Variants in CACNA2D1 observed in about 807,000 individuals in gnomAD.
The protein encoded by CACNA2D1 is calcium voltage-gated channel auxiliary subunit alpha2delta 1.
A neutral mutation model predicts 171.5 loss-of-function variants in CACNA2D1; 53 were observed. The observed-to-expected ratio is 0.31, with a 90% CI of 0.25 to 0.39. CACNA2D1 has a LOEUF of 0.39. Among genes scored for constraint, CACNA2D1 ranks in the 10% least tolerant of loss-of-function variants. The pLI is 1.00. For missense variants in CACNA2D1, 903 were observed against 1,299.8 expected (o/e 0.69, Z 4.69); for synonymous variants, 442 against 443.1 (o/e 1.00, Z 0.03).
At chr7:82,159,440 A>G (rs575065799) in intron 4 of CACNA2D1, among the ~76,000 whole-genome samples, 88 of 151,986 alleles carry the variant, frequency 5.8e-4, no homozygotes, top group Admixed American at 2.4e-3. Flanking sequence ...CCTATATTCC[A>G]TCAAATCACT....
chr7:82,397,543 T>C (rs1825872792), intron 1 of CACNA2D1, among the ~76,000 whole-genome samples: 2 of 152,194 alleles, frequency 1.3e-5, no homozygotes, highest in Admixed American at 6.5e-5. Context: ...CAGAAGTCTA[T>C]GCTGACAGAG....
chr7:82,064,165 G>T (rs200988330), intron 9 of CACNA2D1, 139 bp downstream of exon 9: 4 of 530,460 alleles, frequency 7.5e-6, no homozygotes. Context: ...TGGCTTCATT[G>T]CCTGAATATA....
In CACNA2D1 at chr7:82,107,578, A is replaced by C. The variant is rs1047833722; in HGVS notation, c.526+9466T>G. ...ATTTGGAAATTTCACTATTACAATGAAAATAAACTTTTTTTTTTTTTTTTT... is the reference window on the plus strand; with the variant it reads ...ATTTGGAAATTTCACTATTACAATGCAAATAAACTTTTTTTTTTTTTTTTT... On this transcript the variant is annotated intron_variant, in intron 6 of 38. Coordinates refer to ENST00000356860, the MANE Select transcript of CACNA2D1 (RefSeq NM_000722.4). Among the ~76,000 whole-genome samples, 4 of 140,448 alleles carry C rather than the reference A, an allele frequency of 2.8e-5. No homozygotes were observed. In the Admixed American group the frequency reaches 2.9e-4, roughly 10 times the overall value. The allele number at this position is 140,448 out of a possible 152,430, so 92.1% of individuals were successfully genotyped here. A position where few individuals can be genotyped will look rare whatever the true frequency, so the allele number is the denominator to read the frequency against.
chr7:82,263,954 A>T (rs1807476618), intron 3 of CACNA2D1, among the ~76,000 whole-genome samples: 1 of 152,034 alleles, frequency 6.6e-6, no homozygotes, highest in African/African-American at 2.4e-5. Context: ...TTTTCCTCTG[A>T]AAATTTGGAA....
chr7:82,423,124 T>G (rs1828868546), intron 1 of CACNA2D1, among the ~76,000 whole-genome samples: 2 of 152,136 alleles, frequency 1.3e-5, no homozygotes, highest in South Asian at 4.1e-4. Context: ...TTTTGTACTT[T>G]CGCAGACACT....
chr7:82,075,844 A>G (rs1267239092), intron 7 of CACNA2D1, among the ~76,000 whole-genome samples: 1 of 152,236 alleles, frequency 6.6e-6, no homozygotes, highest in Admixed American at 6.5e-5. Context: ...CTAAAAATGA[A>G]TGGCATAAGT....
At chr7:82,210,998 T>C (rs1035487504) in intron 3 of CACNA2D1, among the ~76,000 whole-genome samples, 6 of 152,104 alleles carry the variant, frequency 3.9e-5, no homozygotes, top group Non-Finnish European at 8.8e-5. Context: ...TTAAAAGGAT[T>C]TTCCCATATG....
chr7:82,066,384 A>C, intron 8 of CACNA2D1, 71 bp downstream of exon 8: 1 of 1,573,330 alleles, frequency 6.4e-7, no homozygotes, highest in Non-Finnish European at 8.6e-7. Flanking sequence ...ATAATAAAAA[A>C]TTCTGACTTT....
chr7:82,162,616 T>C (rs762233262), intron 4 of CACNA2D1, among the ~76,000 whole-genome samples: 39 of 150,528 alleles, frequency 2.6e-4, no homozygotes, highest in African/African-American at 8.9e-4. Flanking sequence ...GAATATTCTT[T>C]AGTATTTCTT....
rs555081232 is a variant in CACNA2D1 at position 82,127,311 on chromosome 7, G to C, written c.396+9324C>G. ...AATTCAAATATCATCCATAGTAAAA[G>C]CTAGCTTTATTATTTCCTCTCTTCA... On this transcript the variant is annotated intron_variant, in intron 5 of 38. Transcript: ENST00000356860. Among the ~76,000 whole-genome samples the C allele has an allele frequency of 1.2e-4, 18 of 152,254 alleles. 1 individual carries two copies. In the South Asian group the frequency reaches 3.7e-3, roughly 32 times the overall value.
chr7:81,955,881 C>A (rs1793198308), intron 38 of CACNA2D1, among the ~76,000 whole-genome samples: 4 of 99,018 alleles, frequency 4.0e-5, no homozygotes, highest in Admixed American at 1.6e-4. Context: ...AGGAAAGTAC[C>A]ATAATAGGAA....
intron 3 of CACNA2D1, among the ~76,000 whole-genome samples, chr7:82,220,481 G>A (rs746501556): frequency 2.0e-5 from 3 of 152,050 alleles, no homozygotes; most frequent in Non-Finnish European, 4.4e-5. Context: ...AAAAATTACT[G>A]AGGACCCAAA....
chr7:82,058,490 A>G (rs1044767789), intron 10 of CACNA2D1, among the ~76,000 whole-genome samples: 3 of 152,158 alleles, frequency 2.0e-5, no homozygotes, highest in Non-Finnish European at 2.9e-5. Context: ...AATAAAGCCA[A>G]ATAAGTATCT....
At chr7:82,279,124 A>G (rs1325916165) in intron 3 of CACNA2D1, among the ~76,000 whole-genome samples, 1 of 152,192 alleles carries the variant, frequency 6.6e-6, no homozygotes, top group Non-Finnish European at 1.5e-5. Flanking sequence ...GGCCAACTAC[A>G]TGGTCAGTAT....
In CACNA2D1 at chr7:82,363,254, C is replaced by CTTT. The variant is rs35419275; in HGVS notation, c.96-13608_96-13606dup. ...CTACCATAGTTTTATTTATTTGTCT[C>CTTT]TTTTTTTTTTTTTTTTTTTTTTTTT... On this transcript the variant is annotated intron_variant, in intron 1 of 38. Coordinates refer to ENST00000356860, the MANE Select transcript of CACNA2D1 (RefSeq NM_000722.4). Among the ~76,000 whole-genome samples the CTTT allele has an allele frequency of 4.1e-4, 26 of 63,418 alleles. 1 individual carries two copies. Among genetic ancestry groups the CTTT allele is most frequent in the African/African-American group, 1.1e-3 (13 of 11,948 alleles). 41.6% of individuals were successfully genotyped at this position (63,418 alleles called of 152,430 possible). A position where few individuals can be genotyped will look rare whatever the true frequency, so the allele number is the denominator to read the frequency against.
chr7:82,051,903 G>A (rs369708606), intron 10 of CACNA2D1, among the ~76,000 whole-genome samples: 1 of 152,152 alleles, frequency 6.6e-6, no homozygotes, highest in East Asian at 1.9e-4. Context: ...TTTCAGCTTT[G>A]CTAACAGCAG....
intron 1 of CACNA2D1, among the ~76,000 whole-genome samples, chr7:82,414,580 G>A (rs1310493704): frequency 1.3e-5 from 2 of 152,202 alleles, no homozygotes; most frequent in Non-Finnish European, 2.9e-5. Context: ...CATGTATAGA[G>A]CATTCCATCC....
At chr7:82,375,385 C>T (rs1822904357) in intron 1 of CACNA2D1, among the ~76,000 whole-genome samples, 1 of 152,280 alleles carries the variant, frequency 6.6e-6, no homozygotes, top group South Asian at 2.1e-4. Flanking sequence ...AGCCACATCA[C>T]CAAATCCCTC....
chr7:82,268,535 C>T (rs895246595), intron 3 of CACNA2D1, among the ~76,000 whole-genome samples: 10 of 152,062 alleles, frequency 6.6e-5, no homozygotes, highest in Non-Finnish European at 1.0e-4. Flanking sequence ...TTCTTCTCTT[C>T]GCTTCTTCTT....
Sources: allele counts gnomAD v4.1 joint callset (sites outside exome capture counted in the v4.1 genomes callset), GRCh38; gene constraint gnomAD v4.1.1; transcripts MANE v1.5; gene names NCBI Gene and HGNC (gene_info 2026-07-23, HGNC 2026-07-21).